The following COL4A1 variants were observed in gnomAD, a reference collection of about 807,000 sequenced individuals.
The protein encoded by COL4A1 is collagen type IV alpha 1 chain, also known as collagen alpha-1(IV) chain.
COL4A1 carries 40 observed loss-of-function variants against 216.6 expected under a neutral mutation model. That is an observed-to-expected ratio of 0.18 (90% CI 0.14 to 0.24). COL4A1 has a LOEUF of 0.24. Among genes scored for constraint, COL4A1 ranks in the 10% least tolerant of loss-of-function variants. COL4A1 has a pLI of 1.00. For synonymous variants in COL4A1, 839 were observed against 810.7 expected, an observed-to-expected ratio of 1.03 and a Z score of -0.59; for missense variants, 1,628 against 2,196.8, an observed-to-expected ratio of 0.74 and a Z score of 5.18.
intron 1 of COL4A1, among the ~76,000 whole-genome samples, chr13:110,256,467 G>T (rs571601886): frequency 1.3e-5 from 2 of 152,204 alleles, no homozygotes; most frequent in East Asian, 3.8e-4. Context: ...GTGCATCCTC[G>T]AGGGAGCAGG....
At chr13:110,248,608 C>CA in intron 1 of COL4A1, among the ~76,000 whole-genome samples, 1 of 152,346 alleles carries the variant, frequency 6.6e-6, no homozygotes, top group South Asian at 2.1e-4. Context: ...TCTCCTGCCT[C>CA]AGCCTCCCGA....
chr13:110,232,382 G>A (rs979795993), intron 2 of COL4A1, among the ~76,000 whole-genome samples: 6 of 152,188 alleles, frequency 3.9e-5, no homozygotes, highest in Admixed American at 2.0e-4. Context: ...TTTTGAGCGT[G>A]CAGTTCTCCA....
chr13:110,208,809 G>C (rs79476579), intron 12 of COL4A1, 40 bp downstream of exon 12: 1 of 1,607,820 alleles, frequency 6.2e-7, no homozygotes, highest in South Asian at 1.1e-5. Flanking sequence ...GAGGACTGTG[G>C]TTTTCAACAT....
intron 2 of COL4A1, among the ~76,000 whole-genome samples, chr13:110,227,524 G>C (rs145377230): frequency 0.01 from 1,590 of 152,030 alleles, 10 homozygotes; most frequent in South Asian, 0.056. Flanking sequence ...GGCAGGTTGG[G>C]GGCACCTGGT....
intron 1 of COL4A1, among the ~76,000 whole-genome samples, chr13:110,267,437 T>C (rs1883087250): frequency 6.6e-6 from 1 of 152,162 alleles, no homozygotes; most frequent in South Asian, 2.1e-4. Flanking sequence ...TCCCCTTCTC[T>C]AAAGCACCTT....
intron 1 of COL4A1, among the ~76,000 whole-genome samples, chr13:110,252,197 T>C (rs1360462307): frequency 6.6e-6 from 1 of 151,924 alleles, no homozygotes; most frequent in Non-Finnish European, 1.5e-5. Context: ...CTGATTTTTC[T>C]ATTTTTAGTA....
intron 1 of COL4A1, among the ~76,000 whole-genome samples, chr13:110,290,961 C>T (rs73617458): frequency 0.011 from 1,685 of 152,320 alleles, 33 homozygotes; most frequent in African/African-American, 0.038. Context: ...GGCGATTGCA[C>T]GTCCCCCAGG....
chr13:110,219,025 C>G (rs1484670203), intron 2 of COL4A1, among the ~76,000 whole-genome samples: 1 of 152,212 alleles, frequency 6.6e-6, no homozygotes, highest in East Asian at 1.9e-4. Flanking sequence ...GAAGAGACAT[C>G]TGCAGGACCA....
At chr13:110,236,237 A>C (rs1408109726) in intron 2 of COL4A1, among the ~76,000 whole-genome samples, 2 of 152,222 alleles carry the variant, frequency 1.3e-5, no homozygotes, top group Admixed American at 1.3e-4. Context: ...AGCTAATAAA[A>C]AACAATCAAT....
chr13:110,150,237 A>G lies in COL4A1; in HGVS notation c.*126T>C. 6 of 906,114 alleles carry G rather than the reference A, an allele frequency of 6.6e-6. No homozygotes were observed. Among genetic ancestry groups the G allele is most frequent in the Non-Finnish European group, 1.1e-5 (6 of 569,374 alleles). The allele number at this position is 906,114 out of a possible 1,614,324, so 56.1% of individuals were successfully genotyped here. On this transcript the variant is annotated 3_prime_UTR_variant, in exon 52 of 52. Transcript: ENST00000375820. ...GGGTGTGTTAGTTACGCAAATTCCT[A>G]TAAGGCACTTTACGGTTTTCATATT...
At chr13:110,224,385 T>C (rs1210396814) in intron 2 of COL4A1, among the ~76,000 whole-genome samples, 1 of 152,206 alleles carries the variant, frequency 6.6e-6, no homozygotes, top group East Asian at 1.9e-4. Flanking sequence ...TACAGTGGCA[T>C]GATCTTGGCT....
At chr13:110,306,104 T>G (rs915853892) in intron 1 of COL4A1, among the ~76,000 whole-genome samples, 1 of 152,026 alleles carries the variant, frequency 6.6e-6, no homozygotes, top group Non-Finnish European at 1.5e-5. Flanking sequence ...CAACAGTCAG[T>G]CCAGGCTTGT....
At chr13:110,291,767 C>T (rs1326123282) in intron 1 of COL4A1, among the ~76,000 whole-genome samples, 1 of 152,180 alleles carries the variant, frequency 6.6e-6, no homozygotes. Flanking sequence ...GAGCTGGGTT[C>T]CTAGAGGGAT....
chr13:110,246,493 T>C (rs1387595927), intron 1 of COL4A1, among the ~76,000 whole-genome samples: 1 of 152,212 alleles, frequency 6.6e-6, no homozygotes, highest in Non-Finnish European at 1.5e-5. Context: ...GGTACATAAA[T>C]AATGCAGGTT....
intron 2 of COL4A1, among the ~76,000 whole-genome samples, chr13:110,240,305 C>T (rs554439026): frequency 4.6e-5 from 7 of 152,328 alleles, no homozygotes; most frequent in African/African-American, 1.7e-4. Flanking sequence ...CCTGGAGGTG[C>T]TGGGCTCCCT....
At chr13:110,244,289 C>T (rs1020848596) in intron 1 of COL4A1, among the ~76,000 whole-genome samples, 2 of 152,148 alleles carry the variant, frequency 1.3e-5, no homozygotes, top group African/African-American at 2.4e-5. Flanking sequence ...AGACAGTAAG[C>T]TGTTCTCAAT....
intron 2 of COL4A1, among the ~76,000 whole-genome samples, chr13:110,219,660 A>ATGTGTATATATATATATG (rs1165281751): frequency 2.5e-5 from 3 of 119,290 alleles, no homozygotes; most frequent in African/African-American, 8.9e-5. Flanking sequence ...ATATATATAT[A>ATGTGTATATATATATATG]TGTATATATA....
At chr13:110,194,330 T>C (rs770196930) in intron 22 of COL4A1, among the ~76,000 whole-genome samples, 3 of 152,196 alleles carry the variant, frequency 2.0e-5, no homozygotes, top group Admixed American at 6.5e-5. Context: ...ACAGTGGGGT[T>C]GATTTGAGGG....
chr13:110,307,005 C>T lies in COL4A1; in HGVS notation c.23G>A (p.Trp8Ter). The change falls in exon 1 of 52, where the codon TGG becomes TAG. Residue 8 changes from tryptophan (W) to a stop codon, truncating the protein, a stop_gained. Transcript: ENST00000375820. LOFTEE classifies it high-confidence loss of function. The surrounding 1 kb of genome is among the most constrained non-coding windows in gnomAD (Gnocchi z 5.0). MGPRLSV[W>*]LLLLPAALLL... Reference sequence around the variant, plus strand: ...AAGGGCGGCGGGCAGCAGCAGCAGCCAGACGCTGAGCCGGGGCCCCATGGT... The same window carrying T: ...AAGGGCGGCGGGCAGCAGCAGCAGCTAGACGCTGAGCCGGGGCCCCATGGT... 1 of 1,476,604 alleles carries T rather than the reference C, an allele frequency of 6.8e-7. No individual in the cohort carries two copies. The highest frequency in any genetic ancestry group is 8.9e-7 in the Non-Finnish European group (1 of 1,119,466). The allele number at this position is 1,476,604 out of a possible 1,614,324, so 91.5% of individuals were successfully genotyped here. A position where few individuals can be genotyped will look rare whatever the true frequency, so the allele number is the denominator to read the frequency against.
Sources: gnomAD v4.1 joint callset for allele counts (sites outside exome capture counted in the v4.1 genomes callset) on GRCh38, gnomAD v4.1.1 for gene constraint, Gnocchi (gnomAD v3.1) non-coding constraint, MANE v1.5 for transcripts, NCBI Gene and HGNC (gene_info 2026-07-23, HGNC 2026-07-21) for gene names.